The following NUP210L variants were observed in gnomAD, a reference collection of about 807,000 sequenced individuals.
NUP210L encodes nucleoporin 210 like.
A neutral mutation model predicts 208.5 loss-of-function variants in NUP210L; 74 were observed. That is an observed-to-expected ratio of 0.35 (90% CI 0.29 to 0.43). The LOEUF (loss-of-function observed/expected upper bound fraction) is 0.43. NUP210L is among the 20% of genes least tolerant of loss of function. The probability of loss-of-function intolerance (pLI) is 1.00; values close to 1 mark genes in which losing one functional copy is unlikely to be tolerated. For missense variants in NUP210L, 1,843 were observed against 2,289.4 expected (o/e 0.81, Z 3.98); for synonymous variants, 780 against 816.9 (o/e 0.95, Z 0.77).
intron 25 of NUP210L, among the ~76,000 whole-genome samples, chr1:154,048,287 G>A (rs1361070117): frequency 2.0e-5 from 3 of 152,176 alleles, no homozygotes; most frequent in South Asian, 2.1e-4. Flanking sequence ...TCAAGCAACC[G>A]CTCTCAGTTC....
chr1:154,055,241 GTCTC>G (rs1264245168), intron 23 of NUP210L, among the ~76,000 whole-genome samples: 8 of 100,700 alleles, frequency 7.9e-5, no homozygotes, highest in East Asian at 2.8e-4. Flanking sequence ...TTCTTTCTTT[GTCTC>G]TCTCTCTCTC....
chr1:154,149,604 G>A (rs1221192327), intron 2 of NUP210L, among the ~76,000 whole-genome samples: 1 of 152,092 alleles, frequency 6.6e-6, no homozygotes, highest in African/African-American at 2.4e-5. Context: ...AGCTACTCAG[G>A]AGGCTGAAGT....
intron 13 of NUP210L, among the ~76,000 whole-genome samples, chr1:154,102,440 T>C (rs1485347586): frequency 1.3e-5 from 2 of 151,926 alleles, no homozygotes; most frequent in East Asian, 1.9e-4. Context: ...TTGTCCTACA[T>C]GGGAAATAAG....
At chr1:154,130,642 T>C (rs971062529) in intron 7 of NUP210L, among the ~76,000 whole-genome samples, 61 of 144,248 alleles carry the variant, frequency 4.2e-4, no homozygotes, top group African/African-American at 1.5e-3. Context: ...AGTGCAGTGG[T>C]ACAATCACAG....
At chr1:154,142,924 C>T (rs1438019552) in intron 3 of NUP210L, among the ~76,000 whole-genome samples, 1 of 151,354 alleles carries the variant, frequency 6.6e-6, no homozygotes, top group African/African-American at 2.4e-5. Context: ...CGCGGTGGCT[C>T]ACGCCTGTAA....
intron 27 of NUP210L, among the ~76,000 whole-genome samples, chr1:154,030,752 G>T (rs1652171717): frequency 6.6e-6 from 1 of 150,728 alleles, no homozygotes; most frequent in African/African-American, 2.4e-5. Context: ...TTTTTTTTGA[G>T]ACAGGGTCTT....
chr1:154,145,666 G>C (rs979134780), intron 2 of NUP210L, among the ~76,000 whole-genome samples: 4 of 152,150 alleles, frequency 2.6e-5, no homozygotes, highest in Non-Finnish European at 4.4e-5. Flanking sequence ...CCCTGTCAGA[G>C]AAAGAAGTTA....
intron 16 of NUP210L, among the ~76,000 whole-genome samples, chr1:154,078,674 A>T (rs1655163602): frequency 6.6e-6 from 1 of 152,170 alleles, no homozygotes; most frequent in Non-Finnish European, 1.5e-5. Flanking sequence ...TATATGACAA[A>T]AACAGCACAA....
chr1:154,058,002 C>G, intron 22 of NUP210L, 87 bp downstream of exon 22: 1 of 1,390,532 alleles, frequency 7.2e-7, no homozygotes, highest in East Asian at 2.3e-5. Context: ...CTGAAATAAT[C>G]TAAGGTAAGG....
chr1:154,112,252 C>A (rs912399787), intron 12 of NUP210L, among the ~76,000 whole-genome samples: 2 of 151,916 alleles, frequency 1.3e-5, no homozygotes, highest in African/African-American at 4.8e-5. Flanking sequence ...TTTTAAAAAT[C>A]ATTAATGGCC....
chr1:154,003,154 G>A (rs1227183600), intron 35 of NUP210L, among the ~76,000 whole-genome samples: 1 of 151,480 alleles, frequency 6.6e-6, no homozygotes, highest in African/African-American at 2.4e-5. Context: ...AGGACTCCAG[G>A]CATGTGCCAC....
chr1:154,132,014 T>C (rs1363364080), intron 7 of NUP210L, among the ~76,000 whole-genome samples: 1 of 152,194 alleles, frequency 6.6e-6, no homozygotes, highest in Non-Finnish European at 1.5e-5. Flanking sequence ...TTCTCCATGT[T>C]GACCAGGCTG....
At chr1:154,086,997 A>G (rs1221810742) in intron 16 of NUP210L, among the ~76,000 whole-genome samples, 2 of 152,122 alleles carry the variant, frequency 1.3e-5, no homozygotes, top group East Asian at 3.9e-4. Context: ...AAAAGAAGAT[A>G]TACAAATGGC....
At chr1:154,019,322 T>C (rs1305045173) in intron 32 of NUP210L, among the ~76,000 whole-genome samples, 1 of 152,226 alleles carries the variant, frequency 6.6e-6, no homozygotes, top group African/African-American at 2.4e-5. Context: ...AGAGAAGCTC[T>C]TTTTACATAC....
rs757593761 is a variant in NUP210L at position 154,100,100 on chromosome 1, G to C, written c.1863C>G (p.Ile621Met). ...GAGTATGGCCAAGAGATTTAGCTGC[G>C]ATATGTGTACTGGAACAATGCATTG... Residue 621 changes from isoleucine (I) to methionine (M), a missense_variant, in exon 14 of 40, where the codon ATC becomes ATG. Transcript: ENST00000368559. The C allele has an allele frequency of 1.9e-6, 3 of 1,613,826 alleles. No homozygotes were observed. The highest frequency in any genetic ancestry group is 2.5e-6 in the Non-Finnish European group (3 of 1,179,808).
At chr1:154,065,892 CAAAAAA>C (rs58053478) in intron 17 of NUP210L, among the ~76,000 whole-genome samples, 2 of 61,120 alleles carry the variant, frequency 3.3e-5, no homozygotes, top group South Asian at 6.7e-4. Flanking sequence ...GACTCTGTCT[CAAAAAA>C]AAAAAAAAAA....
At chr1:154,013,809 G>C (rs977648082) in intron 33 of NUP210L, among the ~76,000 whole-genome samples, 1 of 152,066 alleles carries the variant, frequency 6.6e-6, no homozygotes, top group African/African-American at 2.4e-5. Flanking sequence ...CTGTCACTCA[G>C]GCTACAGTGC....
chr1:154,099,605 G>C (rs557577258), intron 14 of NUP210L, among the ~76,000 whole-genome samples: 6 of 152,160 alleles, frequency 3.9e-5, no homozygotes, highest in South Asian at 2.1e-4. Context: ...TATCTTTCAG[G>C]GTTCTTCAAA....
chr1:154,050,538 C>G (rs1653433043), intron 25 of NUP210L, among the ~76,000 whole-genome samples: 1 of 152,168 alleles, frequency 6.6e-6, no homozygotes, highest in African/African-American at 2.4e-5. Context: ...AATTCACAGA[C>G]TCTAACTCCT....
Sources: gnomAD v4.1 joint callset for allele counts (sites outside exome capture counted in the v4.1 genomes callset) on GRCh38, gnomAD v4.1.1 for gene constraint, MANE v1.5 for transcripts, NCBI Gene and HGNC (gene_info 2026-07-23, HGNC 2026-07-21) for gene names.